The following MICAL2 variants were observed in gnomAD, a reference collection of about 807,000 sequenced individuals.
The protein encoded by MICAL2 is microtubule associated monooxygenase, calponin and LIM domain containing 2.
MICAL2 carries 77 observed loss-of-function variants against 127.3 expected under a neutral mutation model. The observed-to-expected ratio is 0.60, with a 90% CI of 0.50 to 0.73. The LOEUF is 0.73. Among genes scored for constraint, MICAL2 ranks in the 30% least tolerant of loss-of-function variants. The pLI is 0.00. For synonymous variants in MICAL2, 570 were observed against 551.1 expected (o/e 1.03, Z -0.48); for missense variants, 1,351 against 1,434.4 (o/e 0.94, Z 0.94).
intron 33 of MICAL2, among the ~76,000 whole-genome samples, chr11:12,350,879 T>G (rs1939032501): frequency 6.6e-6 from 1 of 152,186 alleles, no homozygotes; most frequent in Non-Finnish European, 1.5e-5. Flanking sequence ...AATCAAGGTG[T>G]TGGGGGAGCT....
At chr11:12,294,412 C>A (rs1212224959), downstream of MICAL2, 1 of 1,614,206 alleles carries the variant, frequency 6.2e-7, no homozygotes, top group Non-Finnish European at 8.5e-7. Flanking sequence ...ACCAGCATTC[C>A]CCTGGGAGAA....
chr11:12,262,203 G>C lies in MICAL2; in HGVS notation c.3335-277G>C, dbSNP rs963905721. On this transcript the variant is annotated intron_variant, in intron 26 of 27. Transcript: ENST00000683283. The stretch of plus-strand genomic sequence containing the variant: ...TCCGCAACATATTCAAGAATGAATG[G>C]GAGACGCTAGAGTAAAATGGGGGCA... 3.4e-5 allele frequency: 45 copies of C among 1,330,200 alleles called. No individual in the cohort carries two copies. In the African/African-American group the frequency reaches 6.2e-4, roughly 18 times the overall value. 82.4% of individuals were successfully genotyped at this position (1,330,200 alleles called of 1,614,324 possible). A position where few individuals can be genotyped will look rare whatever the true frequency, so the allele number is the denominator to read the frequency against.
chr11:12,315,695 G>A lies in MICAL2; in HGVS notation c.5213-4001G>A, dbSNP rs144766548. Among the ~76,000 whole-genome samples the A allele has an allele frequency of 4.5e-4, 69 of 152,166 alleles. 1 individual carries two copies. The South Asian group carries it at 0.01, about 22-fold the overall frequency. On this transcript the variant is annotated intron_variant, in intron 29 of 34. Transcript: ENST00000646065. ...CTAACTTAGGAAATGTTTCCTGTGC[G>A]CTTTCAAATAATCTGTTGCTGTTTG...
chr11:12,118,482 G>A (rs372319057), intron 1 of MICAL2, among the ~76,000 whole-genome samples: 54 of 152,304 alleles, frequency 3.5e-4, no homozygotes, highest in African/African-American at 1.3e-3. Flanking sequence ...TAAAGAGACA[G>A]GGCCCACAGG....
chr11:12,286,549 G>C lies in MICAL2; in HGVS notation c.255-538G>C, dbSNP rs11820717. On this transcript the variant is annotated intron_variant, in intron 2 of 2. Transcript: ENST00000529028. ...TTCATAATTTGAGGCATTCTCTGAG[G>C]GTGGTACCTGTCCCATAGCAGGGTC... 4.1e-3 allele frequency among the ~76,000 whole-genome samples: 631 copies of C among 152,250 alleles called. 5 individuals carry two copies. Among genetic ancestry groups the C allele is most frequent in the African/African-American group, 0.015 (605 of 41,546 alleles).
chr11:12,209,432 G>C (rs1022233379), intron 5 of MICAL2, 65 bp from the exon 6 acceptor site: 14 of 1,270,324 alleles, frequency 1.1e-5, no homozygotes, highest in Non-Finnish European at 1.6e-5. Flanking sequence ...GCCACCACAC[G>C]GGGGGTATAA....
At chr11:12,181,090 C>T (rs933406338) in intron 3 of MICAL2, among the ~76,000 whole-genome samples, 2 of 152,100 alleles carry the variant, frequency 1.3e-5, no homozygotes, top group Admixed American at 6.5e-5. Context: ...ATTATAGGCA[C>T]CTGCCACCAT....
Position 12,235,091 on chromosome 11 carries a change from G to A in MICAL2, c.1996-1086G>A, listed in dbSNP as rs148048924. On this transcript the variant is annotated intron_variant, in intron 15 of 27. Coordinates refer to ENST00000683283, the MANE Select transcript of MICAL2 (RefSeq NM_001282663.2). ...AACTAGCCATTTGGAGAAGGCTCCCGTGGCTGAAGACTGGTAGCAGAGAGG... is the reference window on the plus strand; with the variant it reads ...AACTAGCCATTTGGAGAAGGCTCCCATGGCTGAAGACTGGTAGCAGAGAGG... Among the ~76,000 whole-genome samples, 111 of 152,324 alleles carry A rather than the reference G, an allele frequency of 7.3e-4. No individual in the cohort carries two copies. The South Asian group carries it at 0.013, about 18-fold the overall frequency.
chr11:12,244,877 T>C (rs1432643874), intron 21 of MICAL2, among the ~76,000 whole-genome samples: 1 of 152,214 alleles, frequency 6.6e-6, no homozygotes, highest in Admixed American at 6.5e-5. Flanking sequence ...CATTTTATCC[T>C]CTGGGTTATA....
At chr11:12,358,450 T>C in exon 35 of MICAL2, 3 of 1,614,150 alleles carry the variant, frequency 1.9e-6, no homozygotes. Context: ...CTTCGTATTC[T>C]CCAGAGGCTG....
chr11:12,115,254 G>A (rs1328502738), intron 1 of MICAL2, among the ~76,000 whole-genome samples: 2 of 152,330 alleles, frequency 1.3e-5, no homozygotes, highest in Non-Finnish European at 1.5e-5. Flanking sequence ...ACCTAATGAA[G>A]GAGACCGGAG....
intron 3 of MICAL2, among the ~76,000 whole-genome samples, chr11:12,194,847 T>C (rs1859680435): frequency 6.6e-6 from 1 of 152,210 alleles, no homozygotes; most frequent in Non-Finnish European, 1.5e-5. Flanking sequence ...ACCGAGGCTA[T>C]AAAAAGAAAA....
At position 12,227,034 on chromosome 11, in the gene MICAL2, G is replaced by A. The variant is rs550100348; in HGVS notation, c.1898G>A (p.Arg633His). The A allele has an allele frequency of 1.4e-5, 22 of 1,613,498 alleles. 1 individual carries two copies. The highest frequency in any genetic ancestry group is 6.6e-5 in the South Asian group (6 of 91,054). Residue 633 changes from arginine to histidine, a missense_variant, in exon 15 of 28, where the codon CGC becomes CAC. Transcript: ENST00000683283. ...GTPLRPVDSW[R>H]KNYGENADLS... ...CTTTATTTCCCAACAGATTCTTGGC[G>A]CAAAAACTATGGAGAAAATGCTGAC...
chr11:12,277,814 C>T (rs1392378956), intron 1 of MICAL2, among the ~76,000 whole-genome samples: 3 of 152,114 alleles, frequency 2.0e-5, no homozygotes, highest in Admixed American at 1.3e-4. Flanking sequence ...TGATAGAGGG[C>T]ATTTATGCAA....
intron 3 of MICAL2, among the ~76,000 whole-genome samples, chr11:12,183,595 G>T (rs1346895159): frequency 2.0e-5 from 3 of 152,176 alleles, no homozygotes; most frequent in African/African-American, 7.2e-5. Context: ...CTGTGGAGGT[G>T]AGAGGGACAC....
chr11:12,269,791 G>A lies in MICAL2; in HGVS notation c.3335-6195G>A, dbSNP rs147346927. Among the ~76,000 whole-genome samples the A allele has an allele frequency of 2.8e-3, 427 of 152,348 alleles. 3 individuals are homozygous for A. The highest frequency in any genetic ancestry group is 9.6e-3 in the African/African-American group (401 of 41,588). The stretch of plus-strand genomic sequence containing the variant: ...GGCCAGCCAGGGCCCCTTGAATGAC[G>A]CCTGGCTTGTGGGCAGTGGAGGGTG... On this transcript the variant is annotated intron_variant, in intron 24 of 34. Transcript: ENST00000646065.
intron 32 of MICAL2, among the ~76,000 whole-genome samples, chr11:12,337,766 G>A (rs1259234890): frequency 6.6e-6 from 1 of 151,934 alleles, no homozygotes; most frequent in Non-Finnish European, 1.5e-5. Flanking sequence ...GAGTGGTTTT[G>A]AGTGAGTTTC....
At chr11:12,314,964 C>T (rs1269213118) in intron 29 of MICAL2, among the ~76,000 whole-genome samples, 5 of 152,034 alleles carry the variant, frequency 3.3e-5, no homozygotes, top group African/African-American at 4.8e-5. Flanking sequence ...TTCTGCATCA[C>T]AATACTTTCA....
intron 3 of MICAL2, among the ~76,000 whole-genome samples, chr11:12,183,971 G>A (rs2133967921): frequency 6.6e-6 from 1 of 152,238 alleles, no homozygotes; most frequent in South Asian, 2.1e-4. Flanking sequence ...TGCAGAGATG[G>A]GTTTTGCCAT....
Sources: allele counts gnomAD v4.1 joint callset (sites outside exome capture counted in the v4.1 genomes callset), GRCh38; gene constraint gnomAD v4.1.1; transcripts MANE v1.5; gene names NCBI Gene and HGNC (gene_info 2026-07-23, HGNC 2026-07-21).